TMC1: variants seen among roughly 807,000 people sequenced by gnomAD.
TMC1 encodes the protein transmembrane channel like 1.
In TMC1, 84 loss-of-function variants were observed where a neutral mutation model predicts 105.8. The observed-to-expected ratio is 0.79, with a 90% CI of 0.67 to 0.95. The LOEUF (loss-of-function observed/expected upper bound fraction) is 0.95, where lower values mean the gene tolerates loss of function less well. TMC1 is among the 40% of genes least tolerant of loss of function. The pLI is 0.00. For missense variants in TMC1, 817 were observed against 914.1 expected (o/e 0.89, Z 1.37); for synonymous variants, 315 against 311.5 (o/e 1.01, Z -0.12).
At chr9:72,617,753 C>G (rs1328851123) in intron 3 of TMC1, among the ~76,000 whole-genome samples, 1 of 152,052 alleles carries the variant, frequency 6.6e-6, no homozygotes, top group Non-Finnish European at 1.5e-5. Flanking sequence ...CTGTGTGAAC[C>G]CAAGATGTTA....
chr9:72,690,909 T>G (rs1233617289), intron 6 of TMC1, among the ~76,000 whole-genome samples: 9 of 152,128 alleles, frequency 5.9e-5, no homozygotes, highest in Admixed American at 5.9e-4. Context: ...GAATAGTCTT[T>G]CTGGCCTTTT....
chr9:72,830,712 T>G (rs759315537), intron 23 of TMC1, 30 bp downstream of exon 23: 1 of 1,584,232 alleles, frequency 6.3e-7, no homozygotes, highest in South Asian at 1.2e-5. Context: ...TTGTAATGTT[T>G]GTAATTTTTC....
intron 5 of TMC1, among the ~76,000 whole-genome samples, chr9:72,660,412 C>T (rs1437226160): frequency 3.3e-5 from 5 of 152,070 alleles, no homozygotes; most frequent in Non-Finnish European, 7.4e-5. Context: ...AATAAAATAG[C>T]ATTTTCTCCT....
intron 6 of TMC1, among the ~76,000 whole-genome samples, chr9:72,689,307 G>T (rs74390362): frequency 6.6e-6 from 1 of 152,100 alleles, no homozygotes; most frequent in African/African-American, 2.4e-5. Flanking sequence ...ACTCAAACAA[G>T]GTAGGTCGGA....
At chr9:72,767,269 T>G (rs909224734) in intron 12 of TMC1, among the ~76,000 whole-genome samples, 4 of 152,204 alleles carry the variant, frequency 2.6e-5, no homozygotes, top group Non-Finnish European at 4.4e-5. Context: ...TATACATTCT[T>G]TCAAAATAAT....
intron 1 of TMC1, among the ~76,000 whole-genome samples, chr9:72,550,114 C>T (rs1385952484): frequency 6.6e-6 from 1 of 152,012 alleles, no homozygotes; most frequent in Non-Finnish European, 1.5e-5. Context: ...GGACAAATTG[C>T]CCTGATATCC....
At chr9:72,770,838 T>A (rs1284365272) in intron 12 of TMC1, among the ~76,000 whole-genome samples, 1 of 152,044 alleles carries the variant, frequency 6.6e-6, no homozygotes. Context: ...AAGCAGTGAG[T>A]GAGGCAGGAG....
intron 4 of TMC1, among the ~76,000 whole-genome samples, chr9:72,630,178 C>T (rs998532897): frequency 6.6e-6 from 1 of 152,020 alleles, no homozygotes; most frequent in Non-Finnish European, 1.5e-5. Flanking sequence ...GGGTGTCCAT[C>T]TTTTAAAGAC....
chr9:72,705,716 A>G (rs1826726620), intron 8 of TMC1, among the ~76,000 whole-genome samples: 1 of 152,362 alleles, frequency 6.6e-6, no homozygotes, highest in Admixed American at 6.5e-5. Context: ...TCATGAGTCT[A>G]CAAATTAGGA....
chr9:72,635,411 G>C (rs1825517865), intron 4 of TMC1, among the ~76,000 whole-genome samples: 2 of 152,256 alleles, frequency 1.3e-5, no homozygotes, highest in South Asian at 4.1e-4. Context: ...CAACAGCCCT[G>C]CTTATCATTA....
At chr9:72,624,730 G>A (rs1825316048) in intron 3 of TMC1, among the ~76,000 whole-genome samples, 1 of 152,178 alleles carries the variant, frequency 6.6e-6, no homozygotes, top group African/African-American at 2.4e-5. Flanking sequence ...AGTTGTGGGA[G>A]CTTCTGTGGA....
intron 10 of TMC1, among the ~76,000 whole-genome samples, chr9:72,747,959 A>G (rs1219408673): frequency 1.3e-5 from 2 of 152,210 alleles, no homozygotes; most frequent in African/African-American, 2.4e-5. Context: ...GATTAAAGAA[A>G]TAAGAATTGG....
At chr9:72,799,319 C>T (rs1372188624) in intron 17 of TMC1, among the ~76,000 whole-genome samples, 2 of 151,902 alleles carry the variant, frequency 1.3e-5, no homozygotes, top group African/African-American at 4.8e-5. Flanking sequence ...TTTTTTACTG[C>T]ATTATTTGGT....
At chr9:72,581,125 G>A (rs1360967435) in intron 2 of TMC1, among the ~76,000 whole-genome samples, 10 of 152,136 alleles carry the variant, frequency 6.6e-5, no homozygotes. Flanking sequence ...CAATACTTTA[G>A]CCCCATAAAT....
intron 5 of TMC1, among the ~76,000 whole-genome samples, chr9:72,688,043 G>A (rs1163172983): frequency 1.3e-5 from 2 of 152,028 alleles, no homozygotes; most frequent in Non-Finnish European, 2.9e-5. Flanking sequence ...GCAAAGCTAA[G>A]AAGAAGATGC....
intron 5 of TMC1, among the ~76,000 whole-genome samples, chr9:72,675,683 A>T (rs542322170): frequency 1.3e-5 from 2 of 152,296 alleles, no homozygotes; most frequent in South Asian, 2.1e-4. Context: ...AAACAAAAAA[A>T]TCACTTACAA....
At chr9:72,651,510 G>A (rs1484920503) in intron 5 of TMC1, 1 of 152,206 alleles carries the variant, frequency 6.6e-6, no homozygotes, top group Non-Finnish European at 1.5e-5. Flanking sequence ...TCAAGGGCAA[G>A]TGGTTGGTTG....
intron 13 of TMC1, among the ~76,000 whole-genome samples, chr9:72,780,527 A>T (rs1448977353): frequency 6.6e-6 from 1 of 152,222 alleles, no homozygotes; most frequent in African/African-American, 2.4e-5. Context: ...TCTCACATGC[A>T]GTGACACCCA....
At chr9:72,704,319 A>G (rs1187954240) in intron 8 of TMC1, among the ~76,000 whole-genome samples, 1 of 152,138 alleles carries the variant, frequency 6.6e-6, no homozygotes, top group Non-Finnish European at 1.5e-5. Context: ...CTGGACTTGG[A>G]GAAAGTTTTG....
Sources: gnomAD v4.1 joint callset for allele counts (sites outside exome capture counted in the v4.1 genomes callset) on GRCh38, gnomAD v4.1.1 for gene constraint, MANE v1.5 for transcripts, NCBI Gene and HGNC (gene_info 2026-07-23, HGNC 2026-07-21) for gene names.